CDC42BPB: variants seen among roughly 807,000 people sequenced by gnomAD.
CDC42BPB encodes serine/threonine-protein kinase MRCK beta.
CDC42BPB carries 37 observed loss-of-function variants against 214.9 expected under a neutral mutation model. The ratio of observed to expected loss-of-function variants is 0.17; its 90% CI spans 0.13 to 0.23. The LOEUF is 0.23. CDC42BPB is among the 10% of genes least tolerant of loss of function. The pLI, the probability that CDC42BPB is intolerant of heterozygous loss-of-function variation, is 1.00. For synonymous variants in CDC42BPB, 931 were observed against 884.0 expected, an observed-to-expected ratio of 1.05 and a Z score of -0.94; for missense variants, 1,694 against 2,227.0, an observed-to-expected ratio of 0.76 and a Z score of 4.82.
intron 18 of CDC42BPB, 76 bp from the exon 19 acceptor site, chr14:102,964,726 T>A (rs527738202): frequency 2.0e-6 from 3 of 1,479,316 alleles, no homozygotes; most frequent in East Asian, 2.5e-5. Context: ...AAATAAGTTA[T>A]CTTTGTCTAA....
intron 24 of CDC42BPB, among the ~76,000 whole-genome samples, chr14:102,951,310 C>CT (rs2139395772): frequency 6.6e-6 from 1 of 152,362 alleles, no homozygotes; most frequent in African/African-American, 2.4e-5. Flanking sequence ...TGAAGGGCAT[C>CT]TCTGTTCACA....
At chr14:103,008,420 T>C (rs1440618589) in intron 3 of CDC42BPB, 52 bp downstream of exon 3, 1 of 1,211,162 alleles carries the variant, frequency 8.3e-7, no homozygotes, top group East Asian at 2.3e-5. Context: ...TCACAGTCAC[T>C]TTCTGCTCAC....
At chr14:103,012,878 G>A (rs191901404) in intron 1 of CDC42BPB, among the ~76,000 whole-genome samples, 9 of 152,176 alleles carry the variant, frequency 5.9e-5, no homozygotes, top group Non-Finnish European at 1.2e-4. Context: ...CGGAACTGTC[G>A]CACGCTGCAC....
intron 36 of CDC42BPB, chr14:102,934,192 A>AG (rs1239361684): frequency 4.1e-6 from 1 of 242,518 alleles, no homozygotes. Flanking sequence ...TGAGGTCAGG[A>AG]GTTTGAGACC....
At chr14:103,053,583 A>G (rs1345635154) in intron 1 of CDC42BPB, among the ~76,000 whole-genome samples, 2 of 151,186 alleles carry the variant, frequency 1.3e-5, no homozygotes, top group Non-Finnish European at 2.9e-5. Flanking sequence ...AACACGGTGA[A>G]ACCCCGTCTC....
In CDC42BPB at chr14:102,954,653, C is replaced by T. The variant is rs1021118380; in HGVS notation, c.2937G>A (p.Pro979=). 7 of 1,613,998 alleles carry T rather than the reference C, an allele frequency of 4.3e-6. No homozygotes were observed. The highest frequency in any genetic ancestry group is 1.7e-5 in the Admixed American group (1 of 60,010). The change falls in exon 22 of 37, where the codon CCG becomes CCA. Residue 979 remains proline, a synonymous_variant. Transcript: ENST00000361246. ...SSASEQETQA[P]KPEASPSMSV... is the part of the protein sequence containing the mutation. ...ACATCGACGGGGACGCTTCTGGCTT[C>T]GGAGCTTGTGTTTCTTGCTCACTAG...
At chr14:103,028,847 T>C (rs1282083062) in intron 1 of CDC42BPB, among the ~76,000 whole-genome samples, 7 of 152,240 alleles carry the variant, frequency 4.6e-5, no homozygotes, top group Non-Finnish European at 8.8e-5. Context: ...TGGAAAATAC[T>C]AGTGACAAGA....
At chr14:103,008,742 A>G in intron 2 of CDC42BPB, 187 bp from the exon 3 acceptor site, 1 of 963,022 alleles carries the variant, frequency 1.0e-6, no homozygotes, top group Non-Finnish European at 1.2e-6. Flanking sequence ...AGAGAAAGGG[A>G]CCGGCCACGT....
intron 5 of CDC42BPB, among the ~76,000 whole-genome samples, chr14:102,998,102 G>A (rs2139587871): frequency 6.6e-6 from 1 of 152,318 alleles, no homozygotes; most frequent in South Asian, 2.1e-4. Context: ...ACTCCAGCCT[G>A]GGTGGCAGAG....
chr14:103,051,484 C>T (rs868661329), intron 1 of CDC42BPB, among the ~76,000 whole-genome samples: 3 of 149,486 alleles, frequency 2.0e-5, no homozygotes, highest in Admixed American at 1.3e-4. Context: ...GACAGTTTCA[C>T]TGTATTTAAT....
chr14:102,973,509 T>A (rs1158951930), intron 12 of CDC42BPB, among the ~76,000 whole-genome samples: 2 of 152,196 alleles, frequency 1.3e-5, no homozygotes, highest in African/African-American at 2.4e-5. Context: ...CTGCTGCAGT[T>A]CCCTGTCATT....
At chr14:103,050,427 T>C (rs1011444075) in intron 1 of CDC42BPB, among the ~76,000 whole-genome samples, 1 of 151,936 alleles carries the variant, frequency 6.6e-6, no homozygotes, top group Non-Finnish European at 1.5e-5. Context: ...CCAACCTGAG[T>C]GGGGAGTGGG....
At chr14:103,040,667 A>G (rs1289136960) in intron 1 of CDC42BPB, among the ~76,000 whole-genome samples, 1 of 152,136 alleles carries the variant, frequency 6.6e-6, no homozygotes, top group Non-Finnish European at 1.5e-5. Flanking sequence ...CATGTTGGCC[A>G]GGCTGGTCTT....
intron 4 of CDC42BPB, among the ~76,000 whole-genome samples, chr14:103,002,461 A>G (rs1224337119): frequency 4.6e-5 from 7 of 152,238 alleles, no homozygotes; most frequent in Admixed American, 1.3e-4. Context: ...ATTTAAAAAA[A>G]TATTAGAAAC....
At chr14:102,966,910 A>C in intron 17 of CDC42BPB, 136 bp downstream of exon 17, 1 of 970,928 alleles carries the variant, frequency 1.0e-6, no homozygotes, top group Non-Finnish European at 1.5e-6. Context: ...GTTCTGGGGA[A>C]CAGCAGTGAG....
At chr14:102,947,990 G>A (rs1019130091) in intron 26 of CDC42BPB, 188 bp from the exon 27 acceptor site, 206 of 983,396 alleles carry the variant, frequency 2.1e-4, no homozygotes, top group Non-Finnish European at 2.4e-4. Context: ...TCTGGCAGGT[G>A]TTTCAGGGCT....
At chr14:103,050,536 G>A (rs1566928223) in intron 1 of CDC42BPB, among the ~76,000 whole-genome samples, 1 of 152,214 alleles carries the variant, frequency 6.6e-6, no homozygotes, top group Non-Finnish European at 1.5e-5. Context: ...AAGGTAGGAG[G>A]ATTACTTGAG....
At chr14:103,017,276 T>C (rs1383843329) in intron 1 of CDC42BPB, among the ~76,000 whole-genome samples, 1 of 152,106 alleles carries the variant, frequency 6.6e-6, no homozygotes, top group Non-Finnish European at 1.5e-5. Flanking sequence ...GAGCTGTGTT[T>C]GCACCACTGC....
intron 1 of CDC42BPB, among the ~76,000 whole-genome samples, chr14:103,049,799 C>T (rs1373477877): frequency 2.0e-5 from 3 of 152,196 alleles, no homozygotes; most frequent in African/African-American, 4.8e-5. Context: ...CTGCAACCTC[C>T]GCCTCCCGGG....
Sources: allele counts gnomAD v4.1 joint callset (sites outside exome capture counted in the v4.1 genomes callset), GRCh38; gene constraint gnomAD v4.1.1; transcripts MANE v1.5; gene names NCBI Gene and HGNC (gene_info 2026-07-23, HGNC 2026-07-21).